PFKP: variants seen among roughly 807,000 people sequenced by gnomAD.
PFKP encodes ATP-dependent 6-phosphofructokinase, platelet type.
A neutral mutation model predicts 94.3 loss-of-function variants in PFKP; 101 were observed. The observed-to-expected ratio is 1.07, with a 90% CI of 0.91 to 1.26. PFKP has a LOEUF of 1.26. Among genes scored for constraint, PFKP ranks in the 50% most tolerant of loss-of-function variants. The pLI is 0.00. For synonymous variants in PFKP, 573 were observed against 432.6 expected, an observed-to-expected ratio of 1.32 and a Z score of -4.03; for missense variants, 1,145 against 1,103.3, an observed-to-expected ratio of 1.04 and a Z score of -0.53.
intron 2 of PFKP, among the ~76,000 whole-genome samples, chr10:3,093,230 C>T (rs1834198591): frequency 6.6e-6 from 1 of 152,098 alleles, no homozygotes; most frequent in South Asian, 2.1e-4. Flanking sequence ...CCCTCCCATC[C>T]CTGACTGTCA....
At chr10:3,081,087 A>AAT (rs771160078) in intron 1 of PFKP, among the ~76,000 whole-genome samples, 27 of 152,154 alleles carry the variant, frequency 1.8e-4, no homozygotes, top group Admixed American at 4.6e-4. Context: ...AAGACTATGT[A>AAT]ATATATATAT....
chr10:3,104,904 C>CG (rs1251968395), intron 5 of PFKP: 1 of 631,766 alleles, frequency 1.6e-6, no homozygotes. Context: ...AGTCCCCTTC[C>CG]TCGCAGGAGT....
intron 12 of PFKP, 87 bp from the exon 13 acceptor site, chr10:3,113,285 G>A (rs1042905645): frequency 7.6e-6 from 12 of 1,576,358 alleles, no homozygotes; most frequent in Non-Finnish European, 1.0e-5. Context: ...TTCAGGCCTG[G>A]CACGGCATGA....
intron 16 of PFKP, among the ~76,000 whole-genome samples, chr10:3,124,485 CTGTGCGGCTTTG>C (rs541148640): frequency 5.9e-4 from 90 of 152,384 alleles, no homozygotes; most frequent in African/African-American, 2.0e-3. Flanking sequence ...TCTTGCTCGC[CTGTGCGGCTTTG>C]TGTGCGGCTT....
intron 1 of PFKP, among the ~76,000 whole-genome samples, chr10:3,073,974 A>G (rs2131379606): frequency 6.6e-6 from 1 of 152,218 alleles, no homozygotes; most frequent in South Asian, 2.1e-4. Context: ...AGTAGCTGGG[A>G]TTACAGGCAT....
intron 2 of PFKP, among the ~76,000 whole-genome samples, chr10:3,098,672 C>CAAAAAAAAAAAAAAAAAAAAAAAAAAA (rs5782682): frequency 7.5e-5 from 8 of 107,170 alleles, no homozygotes; most frequent in African/African-American, 2.9e-4. Flanking sequence ...GACTCCGTCT[C>CAAAAAAAAAAAAAAAAAAAAAAAAAAA]AAAAAAAAAA....
At chr10:3,095,186 C>G in intron 2 of PFKP, among the ~76,000 whole-genome samples, 1 of 146,516 alleles carries the variant, frequency 6.8e-6, no homozygotes, top group Admixed American at 6.8e-5. Flanking sequence ...TTCCCTTTGT[C>G]TGTAACTTTA....
intron 9 of PFKP, among the ~76,000 whole-genome samples, 189 bp from the exon 10 acceptor site, chr10:3,109,166 A>C (rs1313192537): frequency 6.6e-6 from 1 of 151,854 alleles, no homozygotes; most frequent in Non-Finnish European, 1.5e-5. Flanking sequence ...ATGTGCCCTG[A>C]CCTCCTCTCT....
chr10:3,103,948 A>G lies in PFKP; in HGVS notation c.620+4A>G, dbSNP rs1223745600. 1 of 1,613,094 alleles carries G rather than the reference A, an allele frequency of 6.2e-7. No homozygotes were observed. Among genetic ancestry groups the G allele is most frequent in the South Asian group, 1.1e-5 (1 of 91,068 alleles). On this transcript the variant is annotated splice_donor_region_variant and intron_variant, in intron 5 of 21. Coordinates refer to ENST00000381125, the MANE Select transcript of PFKP (RefSeq NM_002627.5). ...CCATCATGACCACGGCCCAGAGGTA[A>G]AGCGCTCAGAGGAACCGGCGGGAGG...
chr10:3,113,534 T>C lies in PFKP; in HGVS notation c.1371+16T>C. 1 of 1,609,496 alleles carries C rather than the reference T, an allele frequency of 6.2e-7. No homozygotes were observed. The highest frequency in any genetic ancestry group is 2.2e-5 in the East Asian group (1 of 44,870). ...CAAGGGCCAGGTGAGTCACCCAGGA[T>C]GCCGTAGGCAGGCAGACACCCTGGC... is the stretch of plus-strand genomic sequence containing the variant. On this transcript the variant is annotated intron_variant, in intron 13 of 21. Transcript: ENST00000381125.
At position 3,105,158 on chromosome 10, in the gene PFKP, G is replaced by A; in HGVS notation, c.664G>A (p.Gly222Arg). ...TCTGGAGGTGATGGGACGACACTGT[G>A]GGTACGTACCTGCGGTGGGTCCGGT... ...FVLEVMGRHC[G>R]YLALVSALAC... The change falls in exon 6 of 22, where the codon GGG (glycine) becomes AGG (arginine). Residue 222 changes from glycine (G) to arginine (R), a missense_variant and splice_region_variant. Around this residue, in one of 3 missense-constraint regions of PFKP, gnomAD observed 1,119 missense variants for 1,062.8 expected, o/e 1.05. Coordinates refer to ENST00000381125, the MANE Select transcript of PFKP (RefSeq NM_002627.5). The A allele has an allele frequency of 6.2e-7, 1 of 1,613,766 alleles. No individual in the cohort carries two copies. Among genetic ancestry groups the A allele is most frequent in the Non-Finnish European group, 8.5e-7 (1 of 1,179,740 alleles).
chr10:3,134,832 GC>G (rs1414751043), intron 20 of PFKP, among the ~76,000 whole-genome samples: 4 of 152,300 alleles, frequency 2.6e-5, no homozygotes, highest in African/African-American at 9.6e-5. Flanking sequence ...GTTCTTTTGT[GC>G]AGGCTTTTTG....
intron 16 of PFKP, among the ~76,000 whole-genome samples, chr10:3,125,496 G>C (rs1413748277): frequency 6.6e-6 from 1 of 152,132 alleles, no homozygotes; most frequent in Non-Finnish European, 1.5e-5. Flanking sequence ...ATCCCACCTA[G>C]ACTAGGGGAG....
chr10:3,105,965 A>T (rs1334234916), intron 7 of PFKP, among the ~76,000 whole-genome samples: 2 of 152,236 alleles, frequency 1.3e-5, no homozygotes, highest in Non-Finnish European at 2.9e-5. Context: ...AGGAAGGACG[A>T]CGGGGACAGC....
chr10:3,086,100 G>A (rs950652080), intron 2 of PFKP, among the ~76,000 whole-genome samples: 9 of 152,154 alleles, frequency 5.9e-5, no homozygotes, highest in African/African-American at 1.9e-4. Context: ...TTTGGGGATG[G>A]AGTATCCTGG....
chr10:3,114,892 T>C (rs1189943930), intron 13 of PFKP, among the ~76,000 whole-genome samples: 1 of 152,172 alleles, frequency 6.6e-6, no homozygotes, highest in East Asian at 1.9e-4. Context: ...CCAAGAGCTT[T>C]CTAAAGGGAC....
Position 3,115,072 on chromosome 10 carries a change from G to A in PFKP, c.1371+1554G>A, listed in dbSNP as rs80063034. Among the ~76,000 whole-genome samples, 1,140 of 152,288 alleles carry A rather than the reference G, an allele frequency of 7.5e-3. 12 individuals are homozygous for A. Among genetic ancestry groups the A allele is most frequent in the African/African-American group, 0.024 (997 of 41,550 alleles). On this transcript the variant is annotated intron_variant, in intron 13 of 21. Transcript: ENST00000381125. ...GATGGGGTTTGCTTGCTAAGTACACGCAGGCATAAACAGAGGAGGCAAGGA... is the reference window on the plus strand; with the variant it reads ...GATGGGGTTTGCTTGCTAAGTACACACAGGCATAAACAGAGGAGGCAAGGA...
chr10:3,104,981 C>A, intron 5 of PFKP, 134 bp from the exon 6 acceptor site: 1 of 794,044 alleles, frequency 1.3e-6, no homozygotes, highest in Non-Finnish European at 2.2e-6. Context: ...TAGGTCCCTG[C>A]AGGCCTCCTG....
intron 16 of PFKP, chr10:3,129,560 G>A (rs368330088): frequency 2.1e-4 from 103 of 480,026 alleles, no homozygotes; most frequent in East Asian, 1.3e-3. Context: ...AGAAGGGAGC[G>A]GCAGATGGCC....
Sources: allele counts gnomAD v4.1 joint callset (sites outside exome capture counted in the v4.1 genomes callset), GRCh38; gene constraint gnomAD v4.1.1; regional missense constraint gnomAD v4.1.1; transcripts MANE v1.5; gene names NCBI Gene and HGNC (gene_info 2026-07-23, HGNC 2026-07-21).